Variants in PID1 observed in about 807,000 individuals in gnomAD.
PID1 encodes phosphotyrosine interaction domain containing 1.
PID1 carries 10 observed loss-of-function variants against 19.1 expected under a neutral mutation model. That is an observed-to-expected ratio of 0.52 (90% CI 0.32 to 0.89). PID1 has a LOEUF of 0.89. Among genes scored for constraint, PID1 ranks in the 40% least tolerant of loss-of-function variants. PID1 has a pLI of 0.03. For missense variants in PID1, 248 were observed against 285.3 expected, an observed-to-expected ratio of 0.87 and a Z score of 0.94; for synonymous variants, 130 against 116.0, an observed-to-expected ratio of 1.12 and a Z score of -0.78.
At chr2:229,075,244 T>G (rs188291905) in intron 2 of PID1, among the ~76,000 whole-genome samples, 1 of 152,258 alleles carries the variant, frequency 6.6e-6, no homozygotes, top group Admixed American at 6.5e-5. Flanking sequence ...GCATTTCTAC[T>G]GAATGCTTAT....
Position 229,247,572 on chromosome 2 carries a change from T to C in PID1, c.30+23442A>G, listed in dbSNP as rs544399261. 6.6e-5 allele frequency among the ~76,000 whole-genome samples: 10 copies of C among 152,316 alleles called. No homozygotes were observed. The East Asian group carries it at 1.7e-3, about 26-fold the overall frequency. On this transcript the variant is annotated intron_variant, in intron 1 of 2. Coordinates refer to ENST00000392055, the MANE Select transcript of PID1 (RefSeq NM_001100818.2). ...GCAAAATATTTCTTTACAATTGGCA[T>C]TTGCAATGGTTGGAAGATAAATATT...
At chr2:229,231,423 G>GT (rs1198674670) in intron 1 of PID1, among the ~76,000 whole-genome samples, 2 of 151,952 alleles carry the variant, frequency 1.3e-5, no homozygotes, top group Non-Finnish European at 2.9e-5. Context: ...AAGTTATTCT[G>GT]GGAATCTACC....
intron 2 of PID1, among the ~76,000 whole-genome samples, chr2:229,055,909 A>G (rs1034071053): frequency 1.3e-5 from 2 of 152,234 alleles, no homozygotes; most frequent in South Asian, 2.1e-4. Flanking sequence ...CCCATTTCAC[A>G]TAGGAGCAAG....
chr2:229,210,008 C>A (rs1226847874), intron 1 of PID1, among the ~76,000 whole-genome samples: 1 of 151,932 alleles, frequency 6.6e-6, no homozygotes, highest in Admixed American at 6.5e-5. Flanking sequence ...TTTCAAACCA[C>A]AAAATATCTC....
intron 2 of PID1, among the ~76,000 whole-genome samples, chr2:229,129,730 T>C (rs775653714): frequency 6.6e-6 from 1 of 152,216 alleles, no homozygotes; most frequent in Non-Finnish European, 1.5e-5. Context: ...TCATGGTTTC[T>C]TCCCTAAGAT....
intron 1 of PID1, among the ~76,000 whole-genome samples, chr2:229,161,473 A>G (rs967918071): frequency 6.6e-6 from 1 of 152,242 alleles, no homozygotes; most frequent in African/African-American, 2.4e-5. Flanking sequence ...ATCTTGCAAT[A>G]CAAATATATG....
intron 2 of PID1, among the ~76,000 whole-genome samples, chr2:229,033,797 C>G (rs1255489879): frequency 6.6e-6 from 1 of 152,154 alleles, no homozygotes; most frequent in Non-Finnish European, 1.5e-5. Flanking sequence ...TGCTGGGAAT[C>G]CTAATAGCCT....
intron 2 of PID1, among the ~76,000 whole-genome samples, chr2:229,134,860 A>G (rs1689827252): frequency 2.0e-5 from 3 of 152,152 alleles, no homozygotes; most frequent in Non-Finnish European, 4.4e-5. Context: ...TGAACTTTTC[A>G]CCTGATCACA....
intron 2 of PID1, among the ~76,000 whole-genome samples, chr2:229,036,121 T>C (rs1333879670): frequency 1.3e-5 from 2 of 152,184 alleles, no homozygotes; most frequent in Non-Finnish European, 2.9e-5. Context: ...TATATCAACA[T>C]ACTAGACAAC....
At chr2:229,167,312 C>T (rs1293015072) in intron 1 of PID1, among the ~76,000 whole-genome samples, 1 of 152,066 alleles carries the variant, frequency 6.6e-6, no homozygotes, top group Non-Finnish European at 1.5e-5. Flanking sequence ...TTTACTTTGG[C>T]AAAACCTGGC....
intron 1 of PID1, among the ~76,000 whole-genome samples, chr2:229,159,606 A>G (rs1690452169): frequency 6.6e-6 from 1 of 152,076 alleles, no homozygotes; most frequent in East Asian, 1.9e-4. Context: ...GCATATGCCA[A>G]TTCCTTGAAT....
intron 1 of PID1, among the ~76,000 whole-genome samples, chr2:229,204,792 C>T (rs1486798156): frequency 2.0e-5 from 3 of 151,976 alleles, no homozygotes; most frequent in Admixed American, 6.6e-5. Context: ...ATGGGTGGTA[C>T]GGGTGGTCTT....
At chr2:229,096,356 C>T (rs1574625069) in intron 2 of PID1, among the ~76,000 whole-genome samples, 1 of 152,194 alleles carries the variant, frequency 6.6e-6, no homozygotes, top group South Asian at 2.1e-4. Flanking sequence ...CAGCATTAGT[C>T]TAAGTAATTT....
At chr2:229,250,317 G>A (rs1687265466) in intron 1 of PID1, among the ~76,000 whole-genome samples, 1 of 152,074 alleles carries the variant, frequency 6.6e-6, no homozygotes, top group Admixed American at 6.6e-5. Context: ...TTCTTTCTTA[G>A]GACTCTTGGC....
chr2:229,082,729 A>T (rs1460904742), intron 2 of PID1, among the ~76,000 whole-genome samples: 2 of 152,176 alleles, frequency 1.3e-5, no homozygotes, highest in East Asian at 3.9e-4. Flanking sequence ...TCTGCCAAAG[A>T]TCTGAATGAT....
intron 2 of PID1, among the ~76,000 whole-genome samples, chr2:229,066,422 T>G (rs1694328543): frequency 6.6e-6 from 1 of 152,160 alleles, no homozygotes; most frequent in Non-Finnish European, 1.5e-5. Context: ...TGTTGAAATG[T>G]GAAGGATGTG....
intron 2 of PID1, among the ~76,000 whole-genome samples, chr2:229,049,354 AG>A (rs1393923685): frequency 1.3e-5 from 2 of 152,156 alleles, no homozygotes; most frequent in Admixed American, 6.5e-5. Context: ...GTTTCCACAG[AG>A]GGTGGTTTAT....
intron 1 of PID1, among the ~76,000 whole-genome samples, chr2:229,248,009 C>A (rs1234251093): frequency 2.0e-5 from 3 of 151,998 alleles, no homozygotes; most frequent in Non-Finnish European, 4.4e-5. Flanking sequence ...CTTTCCTTAC[C>A]TTTTTCCTCC....
chr2:229,122,524 C>A (rs1695544222), intron 2 of PID1, among the ~76,000 whole-genome samples: 1 of 152,004 alleles, frequency 6.6e-6, no homozygotes, highest in Non-Finnish European at 1.5e-5. Context: ...AAGTGTGTGT[C>A]CCCCTACAGT....
Sources: gnomAD v4.1 joint callset for allele counts (sites outside exome capture counted in the v4.1 genomes callset) on GRCh38, gnomAD v4.1.1 for gene constraint, MANE v1.5 for transcripts, NCBI Gene and HGNC (gene_info 2026-07-23, HGNC 2026-07-21) for gene names.